CADM2: variants seen among roughly 807,000 people sequenced by gnomAD.
CADM2 encodes cell adhesion molecule 2.
In CADM2, 12 loss-of-function variants were observed where a neutral mutation model predicts 49.8. That is an observed-to-expected ratio of 0.24 (90% CI 0.15 to 0.39). CADM2 has a LOEUF of 0.39. CADM2 is among the 10% of genes least tolerant of loss of function. The pLI is 1.00. For missense variants in CADM2, 378 were observed against 492.3 expected (o/e 0.77, Z 2.20); for synonymous variants, 214 against 175.4 (o/e 1.22, Z -1.74).
At chr3:85,610,339 A>G (rs1445005215) in intron 1 of CADM2, among the ~76,000 whole-genome samples, 1 of 151,946 alleles carries the variant, frequency 6.6e-6, no homozygotes, top group African/African-American at 2.4e-5. Flanking sequence ...AAAATGTTTC[A>G]TTTGGCTGTT....
At chr3:85,855,690 TATCTC>T (rs2075290954) in intron 3 of CADM2, among the ~76,000 whole-genome samples, 3 of 149,924 alleles carry the variant, frequency 2.0e-5, no homozygotes, top group Non-Finnish European at 3.0e-5. Context: ...GCAGTGGCAT[TATCTC>T]AGCTCACTGC....
chr3:85,478,021 T>A (rs919697019), intron 1 of CADM2, among the ~76,000 whole-genome samples: 1 of 151,994 alleles, frequency 6.6e-6, no homozygotes, highest in Admixed American at 6.6e-5. Flanking sequence ...ATGAGTTTTA[T>A]AATAAGCTTT....
intron 1 of CADM2, among the ~76,000 whole-genome samples, chr3:85,178,991 CATCAAATT>C (rs2040857301): frequency 6.6e-6 from 1 of 151,842 alleles, no homozygotes; most frequent in Non-Finnish European, 1.5e-5. Flanking sequence ...CTTAACACGT[CATCAAATT>C]ATACTATACA....
chr3:85,515,627 A>T (rs1279403122), intron 1 of CADM2, among the ~76,000 whole-genome samples: 13 of 113,462 alleles, frequency 1.1e-4, no homozygotes, highest in African/African-American at 3.3e-4. Flanking sequence ...ATATATATAT[A>T]TATATTTTTT....
At chr3:85,448,312 G>T (rs570720137) in intron 1 of CADM2, among the ~76,000 whole-genome samples, 27 of 130,004 alleles carry the variant, frequency 2.1e-4, no homozygotes, top group Admixed American at 1.5e-3. Context: ...CAGCCTGGGC[G>T]ACAGAGCAAG....
chr3:85,275,574 C>A, intron 1 of CADM2, among the ~76,000 whole-genome samples: 1 of 151,236 alleles, frequency 6.6e-6, no homozygotes, highest in Admixed American at 6.6e-5. Flanking sequence ...ATAAACCTTG[C>A]ATGACTTTGA....
intron 1 of CADM2, among the ~76,000 whole-genome samples, chr3:85,331,350 T>C (rs1014655789): frequency 6.6e-6 from 1 of 152,092 alleles, no homozygotes; most frequent in East Asian, 1.9e-4. Flanking sequence ...TTTTTTTAGC[T>C]CCCACATATT....
chr3:85,635,845 A>G (rs1352740419), intron 1 of CADM2, among the ~76,000 whole-genome samples: 1 of 152,186 alleles, frequency 6.6e-6, no homozygotes, highest in Non-Finnish European at 1.5e-5. Context: ...GACTGTGTAT[A>G]CCGGTCATGT....
intron 1 of CADM2, among the ~76,000 whole-genome samples, chr3:85,572,510 G>A (rs1462296594): frequency 1.3e-5 from 2 of 152,130 alleles, no homozygotes; most frequent in East Asian, 3.9e-4. Context: ...AGGGAAATTG[G>A]CGTGCATGAT....
At chr3:85,254,382 G>T (rs1015898834) in intron 1 of CADM2, among the ~76,000 whole-genome samples, 3 of 151,884 alleles carry the variant, frequency 2.0e-5, no homozygotes, top group Non-Finnish European at 2.9e-5. Context: ...TGTAATCATG[G>T]TTGATTAAGT....
At chr3:85,245,789 C>T (rs1169502465) in intron 1 of CADM2, among the ~76,000 whole-genome samples, 1 of 152,156 alleles carries the variant, frequency 6.6e-6, no homozygotes, top group Admixed American at 6.5e-5. Flanking sequence ...CTTCCACATG[C>T]CAAGTAGTGT....
chr3:85,913,168 G>C (rs1010134971), intron 6 of CADM2, among the ~76,000 whole-genome samples: 2 of 152,156 alleles, frequency 1.3e-5, no homozygotes, highest in African/African-American at 4.8e-5. Flanking sequence ...TTAGTCACAA[G>C]ATACACACAA....
intron 2 of CADM2, among the ~76,000 whole-genome samples, chr3:85,797,118 A>G (rs930314327): frequency 6.6e-6 from 1 of 151,970 alleles, no homozygotes; most frequent in African/African-American, 2.4e-5. Context: ...AAAGAAAAAA[A>G]AAAAGAAAAT....
intron 1 of CADM2, among the ~76,000 whole-genome samples, chr3:84,984,618 T>G (rs555776732): frequency 6.7e-5 from 10 of 148,524 alleles, no homozygotes; most frequent in African/African-American, 2.5e-4. Flanking sequence ...AAAAAAAAGG[T>G]CAGGTTACTT....
chr3:85,027,109 CTTTTTTTTTTTT>C (rs1160735135), intron 1 of CADM2, among the ~76,000 whole-genome samples: 2 of 55,690 alleles, frequency 3.6e-5, no homozygotes, highest in African/African-American at 9.7e-5. Flanking sequence ...TTTCTTTTTC[CTTTTTTTTTTTT>C]TTTTTTTTTT....
rs541962288 is a variant in CADM2 at position 85,371,285 on chromosome 3, C to A, written c.62-355237C>A. Reference sequence around the variant, plus strand: ...ACACCCAGAGAAGCTTCCAGTCCTGCAAACACTATTTGTGGCAAGTCAGTA... The same window carrying A: ...ACACCCAGAGAAGCTTCCAGTCCTGAAAACACTATTTGTGGCAAGTCAGTA... On this transcript the variant is annotated intron_variant, in intron 1 of 9. Coordinates refer to ENST00000383699, the MANE Select transcript of CADM2 (RefSeq NM_001167675.2). Among the ~76,000 whole-genome samples, 10 of 152,212 alleles carry A rather than the reference C, an allele frequency of 6.6e-5. No individual in the cohort carries two copies. In the South Asian group the frequency reaches 2.1e-3, roughly 32 times the overall value.
At chr3:85,570,620 G>C (rs545869321) in intron 1 of CADM2, among the ~76,000 whole-genome samples, 1 of 152,124 alleles carries the variant, frequency 6.6e-6, no homozygotes, top group African/African-American at 2.4e-5. Flanking sequence ...AACTGATTTT[G>C]AGACTTAAAT....
At chr3:85,618,152 G>T (rs994584185) in intron 1 of CADM2, among the ~76,000 whole-genome samples, 1 of 152,010 alleles carries the variant, frequency 6.6e-6, no homozygotes. Flanking sequence ...AAAAGGCTTT[G>T]TGAAAAAAAT....
intron 1 of CADM2, among the ~76,000 whole-genome samples, chr3:85,563,703 C>A (rs2062167268): frequency 6.6e-6 from 1 of 152,044 alleles, no homozygotes; most frequent in Non-Finnish European, 1.5e-5. Context: ...ATAAAGGCAG[C>A]AATTTGCGAA....
Sources: allele counts gnomAD v4.1 joint callset (sites outside exome capture counted in the v4.1 genomes callset), GRCh38; gene constraint gnomAD v4.1.1; transcripts MANE v1.5; gene names NCBI Gene and HGNC (gene_info 2026-07-23, HGNC 2026-07-21).